The following CCBE1 variants were observed in gnomAD, a reference collection of about 807,000 sequenced individuals.
The protein encoded by CCBE1 is collagen and calcium-binding EGF domain-containing protein 1.
In CCBE1, 37 loss-of-function variants were observed where a neutral mutation model predicts 50.0. That is an observed-to-expected ratio of 0.74 (90% CI 0.57 to 0.97). The LOEUF (loss-of-function observed/expected upper bound fraction) is 0.97. Ranked by LOEUF, CCBE1 falls within the 50% of genes least tolerant of loss-of-function variation. The probability of loss-of-function intolerance (pLI) is 0.00; values close to 1 mark genes in which losing one functional copy is unlikely to be tolerated. For missense variants in CCBE1, 538 were observed against 523.8 expected (o/e 1.03, Z -0.26); for synonymous variants, 234 against 203.7 (o/e 1.15, Z -1.27).
At chr18:59,543,834 CAAAA>C (rs10678902) in intron 2 of CCBE1, among the ~76,000 whole-genome samples, 18 of 69,002 alleles carry the variant, frequency 2.6e-4, no homozygotes, top group East Asian at 1.1e-3. Flanking sequence ...GACTCCGTCT[CAAAA>C]AAAAAAAAAA....
chr18:59,615,696 A>G (rs982900970), intron 2 of CCBE1, among the ~76,000 whole-genome samples: 2 of 152,180 alleles, frequency 1.3e-5, no homozygotes, highest in Non-Finnish European at 2.9e-5. Context: ...TCGTTCCATA[A>G]GGTATGAGGT....
chr18:59,513,843 G>C (rs1260705004), intron 2 of CCBE1, among the ~76,000 whole-genome samples: 2 of 152,192 alleles, frequency 1.3e-5, no homozygotes, highest in South Asian at 2.1e-4. Context: ...CTCCAAGCCT[G>C]TGCTCCTTCT....
chr18:59,679,690 CAGTT>C (rs1463847844), intron 2 of CCBE1, among the ~76,000 whole-genome samples: 1 of 152,172 alleles, frequency 6.6e-6, no homozygotes, highest in African/African-American at 2.4e-5. Flanking sequence ...AGACAGGTCT[CAGTT>C]AATTTAGAAA....
At chr18:59,556,137 G>T (rs1333102307) in intron 2 of CCBE1, among the ~76,000 whole-genome samples, 1 of 152,158 alleles carries the variant, frequency 6.6e-6, no homozygotes, top group East Asian at 1.9e-4. Flanking sequence ...CTCCAGCTTG[G>T]TTCCTGCCGT....
In CCBE1 at chr18:59,527,910, T is replaced by A. The variant is rs145632521; in HGVS notation, c.213-47672A>T. Among the ~76,000 whole-genome samples, 367 of 152,258 alleles carry A rather than the reference T, an allele frequency of 2.4e-3. 1 individual carries two copies. Among genetic ancestry groups the A allele is most frequent in the East Asian group, 0.016 (82 of 5,182 alleles). ...GTGTTTCTCTCTGGCTCCCCTAACA[T>A]TTTTTTCCTGCATTTCAACCTTGGA... On this transcript the variant is annotated intron_variant, in intron 2 of 10. Transcript: ENST00000439986.
At chr18:59,530,080 G>C (rs770357895) in intron 2 of CCBE1, among the ~76,000 whole-genome samples, 27 of 152,178 alleles carry the variant, frequency 1.8e-4, no homozygotes, top group Admixed American at 1.7e-3. Flanking sequence ...TGATGCTGCT[G>C]TTCTAGTTTG....
chr18:59,618,961 G>C (rs900587637), intron 2 of CCBE1, among the ~76,000 whole-genome samples: 1 of 152,020 alleles, frequency 6.6e-6, no homozygotes, highest in Non-Finnish European at 1.5e-5. Flanking sequence ...TGTTATATTA[G>C]GACTGCTAAC....
chr18:59,620,532 C>G (rs2053698322), intron 2 of CCBE1, among the ~76,000 whole-genome samples: 1 of 152,116 alleles, frequency 6.6e-6, no homozygotes, highest in African/African-American at 2.4e-5. Flanking sequence ...TTGGTTGTGT[C>G]CCCACCCAAA....
At chr18:59,633,814 T>C (rs1394331279) in intron 2 of CCBE1, among the ~76,000 whole-genome samples, 1 of 152,172 alleles carries the variant, frequency 6.6e-6, no homozygotes, top group East Asian at 1.9e-4. Flanking sequence ...ACATTCCACT[T>C]GGCATGGCAC....
At position 59,445,252 on chromosome 18, in the gene CCBE1, C is replaced by A. The variant is rs147768776; in HGVS notation, c.775+2731G>T. The stretch of plus-strand genomic sequence containing the variant: ...GTAAGGGTCCAACCTCATTCTTCTG[C>A]ATGCAGAAGGACATTGTGTTTTAAC... On this transcript the variant is annotated intron_variant, in intron 7 of 10. Transcript: ENST00000439986. Among the ~76,000 whole-genome samples, 9 of 152,280 alleles carry A rather than the reference C, an allele frequency of 5.9e-5. No individual in the cohort carries two copies. The East Asian group carries it at 1.7e-3, about 29-fold the overall frequency.
At chr18:59,644,705 T>C (rs998273952) in intron 2 of CCBE1, among the ~76,000 whole-genome samples, 12 of 152,100 alleles carry the variant, frequency 7.9e-5, no homozygotes, top group African/African-American at 2.4e-4. Flanking sequence ...TGCCCCCTAA[T>C]ACCTCCTATT....
chr18:59,455,034 C>A, intron 5 of CCBE1, 83 bp from the exon 6 acceptor site: 1 of 1,086,634 alleles, frequency 9.2e-7, no homozygotes. Flanking sequence ...AAGGGCGGTC[C>A]CAGGGACAGA....
intron 2 of CCBE1, among the ~76,000 whole-genome samples, chr18:59,687,085 T>G (rs891311): frequency 0.89 from 135,999 of 152,190 alleles, 60,870 homozygotes; most frequent in Admixed American, 0.94. Context: ...CACAAAAAAA[T>G]TGAGCCATTT....
At chr18:59,603,920 G>A (rs2053463373) in intron 2 of CCBE1, among the ~76,000 whole-genome samples, 1 of 152,218 alleles carries the variant, frequency 6.6e-6, no homozygotes, top group Non-Finnish European at 1.5e-5. Flanking sequence ...CGATGACTCT[G>A]TTTCCATATC....
intron 2 of CCBE1, among the ~76,000 whole-genome samples, chr18:59,525,894 T>C (rs1188650640): frequency 6.6e-6 from 1 of 152,180 alleles, no homozygotes; most frequent in African/African-American, 2.4e-5. Context: ...GAGCAGATGG[T>C]TGTAGATGTG....
intron 2 of CCBE1, among the ~76,000 whole-genome samples, chr18:59,694,616 A>C (rs1004568512): frequency 2.0e-5 from 3 of 152,202 alleles, no homozygotes; most frequent in Non-Finnish European, 4.4e-5. Flanking sequence ...CAAGCTCCCA[A>C]AATCATGCTG....
intron 2 of CCBE1, among the ~76,000 whole-genome samples, chr18:59,510,815 T>C (rs1485691483): frequency 6.6e-6 from 1 of 152,266 alleles, no homozygotes; most frequent in Admixed American, 6.5e-5. Context: ...GTATATTGCA[T>C]GCATGCATAA....
intron 2 of CCBE1, among the ~76,000 whole-genome samples, chr18:59,496,271 G>T (rs1913351293): frequency 6.6e-6 from 1 of 152,152 alleles, no homozygotes; most frequent in Non-Finnish European, 1.5e-5. Flanking sequence ...ACACCTAGAA[G>T]GCAGGGGTTG....
chr18:59,446,300 A>G (rs1910665541), intron 7 of CCBE1, among the ~76,000 whole-genome samples: 1 of 152,194 alleles, frequency 6.6e-6, no homozygotes, highest in African/African-American at 2.4e-5. Flanking sequence ...GTTTTGTTCT[A>G]GTGATCTATA....
Sources: gnomAD v4.1 joint callset for allele counts (sites outside exome capture counted in the v4.1 genomes callset) on GRCh38, gnomAD v4.1.1 for gene constraint, MANE v1.5 for transcripts, NCBI Gene and HGNC (gene_info 2026-07-23, HGNC 2026-07-21) for gene names.